RABGAP1L: variants seen among roughly 807,000 people sequenced by gnomAD.
The protein encoded by RABGAP1L is RAB GTPase activating protein 1 like.
RABGAP1L carries 63 observed loss-of-function variants against 137.7 expected under a neutral mutation model. That is an observed-to-expected ratio of 0.46 (90% CI 0.37 to 0.56). RABGAP1L has a LOEUF of 0.56. RABGAP1L is among the 20% of genes least tolerant of loss of function. The pLI, the probability that RABGAP1L is intolerant of heterozygous loss-of-function variation, is 0.00. For synonymous variants in RABGAP1L, 431 were observed against 433.7 expected (o/e 0.99, Z 0.08); for missense variants, 1,095 against 1,244.0 (o/e 0.88, Z 1.80).
intron 17 of RABGAP1L, among the ~76,000 whole-genome samples, chr1:174,721,087 A>G (rs745407025): frequency 1.3e-5 from 2 of 152,208 alleles, no homozygotes; most frequent in East Asian, 1.9e-4. Context: ...GGAAATACTG[A>G]TTTAACAGTT....
chr1:174,243,861 C>CT, intron 5 of RABGAP1L, among the ~76,000 whole-genome samples: 1 of 152,280 alleles, frequency 6.6e-6, no homozygotes, highest in South Asian at 2.1e-4. Flanking sequence ...AAGTCTTTGA[C>CT]TTTGAAGAGC....
chr1:174,503,604 T>C (rs1661530894), intron 13 of RABGAP1L, among the ~76,000 whole-genome samples: 1 of 139,212 alleles, frequency 7.2e-6, no homozygotes, highest in African/African-American at 2.6e-5. Context: ...GAGGTTGCTC[T>C]GAGCCGAGAT....
At chr1:174,173,131 AT>A (rs771261221) in intron 1 of RABGAP1L, among the ~76,000 whole-genome samples, 646 of 140,450 alleles carry the variant, frequency 4.6e-3, no homozygotes, top group Middle Eastern at 7.3e-3. Flanking sequence ...AGTTAAAAAG[AT>A]TTTTTTTTTT....
chr1:174,612,233 A>G (rs1029759071), intron 13 of RABGAP1L, among the ~76,000 whole-genome samples: 12 of 152,334 alleles, frequency 7.9e-5, no homozygotes, highest in African/African-American at 2.6e-4. Flanking sequence ...ATGTCCCATC[A>G]ATACCTAATT....
intron 24 of RABGAP1L, among the ~76,000 whole-genome samples, chr1:174,987,365 C>G (rs1203931734): frequency 1.3e-5 from 2 of 152,140 alleles, no homozygotes; most frequent in Non-Finnish European, 2.9e-5. Context: ...CGGGGTTTCA[C>G]CATGTTGGCC....
chr1:174,224,401 C>T (rs748012615), intron 3 of RABGAP1L, among the ~76,000 whole-genome samples: 30 of 152,014 alleles, frequency 2.0e-4, no homozygotes, highest in Admixed American at 2.0e-4. Context: ...ACCCAGGAGG[C>T]GGAGGTTGCA....
At chr1:174,163,525 A>C (rs1242382306) in intron 1 of RABGAP1L, among the ~76,000 whole-genome samples, 1 of 152,066 alleles carries the variant, frequency 6.6e-6, no homozygotes, top group Admixed American at 6.5e-5. Flanking sequence ...ATTTGGGCTA[A>C]GATTATTAGT....
At chr1:174,537,862 G>A (rs1053112711) in intron 13 of RABGAP1L, among the ~76,000 whole-genome samples, 1 of 152,148 alleles carries the variant, frequency 6.6e-6, no homozygotes, top group African/African-American at 2.4e-5. Flanking sequence ...TCTTCCATGA[G>A]TATCAAGTGG....
chr1:174,418,446 T>C (rs1245642232), intron 13 of RABGAP1L, among the ~76,000 whole-genome samples: 1 of 152,232 alleles, frequency 6.6e-6, no homozygotes, highest in Non-Finnish European at 1.5e-5. Flanking sequence ...GTCCCTGTGA[T>C]GGCACATTAA....
At chr1:174,855,019 T>C (rs1573522976) in intron 19 of RABGAP1L, among the ~76,000 whole-genome samples, 1 of 151,970 alleles carries the variant, frequency 6.6e-6, no homozygotes, top group Admixed American at 6.6e-5. Context: ...ATTACAGGAG[T>C]GAGCCACCAC....
intron 13 of RABGAP1L, among the ~76,000 whole-genome samples, chr1:174,492,512 T>C (rs933791136): frequency 2.6e-5 from 4 of 152,036 alleles, no homozygotes; most frequent in Non-Finnish European, 5.9e-5. Flanking sequence ...CACTCTCGGC[T>C]AGTTCTTTTG....
chr1:174,499,144 A>G (rs1271864621), intron 13 of RABGAP1L, among the ~76,000 whole-genome samples: 2 of 152,236 alleles, frequency 1.3e-5, no homozygotes, highest in African/African-American at 2.4e-5. Flanking sequence ...GCTACCACAT[A>G]TAATGCATTA....
chr1:174,241,569 C>T lies in RABGAP1L; in HGVS notation c.629C>T (p.Thr210Ile), dbSNP rs138264771. 1.1e-5 allele frequency: 17 copies of T among 1,613,464 alleles called. No homozygotes were observed. Among genetic ancestry groups the T allele is most frequent in the Non-Finnish European group, 8.5e-6 (10 of 1,179,600 alleles). Residue 210 changes from threonine to isoleucine, a missense_variant, in exon 5 of 26, where the codon ACA (threonine) becomes ATA (isoleucine). Coordinates refer to ENST00000681986, the MANE Select transcript of RABGAP1L (RefSeq NM_001366446.1). ...LFCARGHDGTTESNCFAFTES... is the reference protein window; with the variant it reads ...LFCARGHDGTIESNCFAFTES... ...TGTGCACGTGGACATGACGGAACAA[C>T]AGAGAGCAATTGCTTTGCATTTACA... is the stretch of plus-strand genomic sequence containing the variant.
At chr1:174,867,337 C>T (rs777108563) in intron 19 of RABGAP1L, among the ~76,000 whole-genome samples, 7 of 148,788 alleles carry the variant, frequency 4.7e-5, no homozygotes, top group Admixed American at 1.3e-4. Flanking sequence ...GCCGAGATCG[C>T]GCCAAAAAAA....
chr1:174,877,673 TA>T, intron 19 of RABGAP1L: 1 of 1,487,984 alleles, frequency 6.7e-7, no homozygotes, highest in South Asian at 1.2e-5. Flanking sequence ...TATACTCCTG[TA>T]GCAACTGAGG....
intron 23 of RABGAP1L, among the ~76,000 whole-genome samples, chr1:174,981,492 C>T (rs1369542658): frequency 6.8e-6 from 1 of 147,842 alleles, no homozygotes; most frequent in Non-Finnish European, 1.5e-5. Context: ...TAGAGGTAGA[C>T]CATATATGTT....
intron 1 of RABGAP1L, among the ~76,000 whole-genome samples, chr1:174,205,573 G>A (rs1463243924): frequency 6.6e-6 from 1 of 152,078 alleles, no homozygotes; most frequent in Non-Finnish European, 1.5e-5. Flanking sequence ...TGTATGCATA[G>A]AGGTGTCTGT....
intron 15 of RABGAP1L, among the ~76,000 whole-genome samples, chr1:174,697,864 G>C (rs556748820): frequency 3.0e-4 from 45 of 152,242 alleles, no homozygotes; most frequent in African/African-American, 1.0e-3. Context: ...CAGAAATTTT[G>C]AAAAGGTCTC....
At chr1:174,827,074 T>C (rs1046868973) in intron 19 of RABGAP1L, among the ~76,000 whole-genome samples, 27 of 152,324 alleles carry the variant, frequency 1.8e-4, no homozygotes, top group African/African-American at 6.0e-4. Flanking sequence ...GGTCACCATC[T>C]CATTGTATCC....
Sources: gnomAD v4.1 joint callset for allele counts (sites outside exome capture counted in the v4.1 genomes callset) on GRCh38, gnomAD v4.1.1 for gene constraint, MANE v1.5 for transcripts, NCBI Gene and HGNC (gene_info 2026-07-23, HGNC 2026-07-21) for gene names.